VANGL1: variants seen among roughly 807,000 people sequenced by gnomAD.
The protein encoded by VANGL1 is VANGL planar cell polarity protein 1, also known as vang-like protein 1.
Under a neutral mutation model 48.4 loss-of-function variants are expected in VANGL1, and 18 were observed. The ratio of observed to expected loss-of-function variants is 0.37; its 90% CI spans 0.26 to 0.55. The LOEUF (loss-of-function observed/expected upper bound fraction) is 0.55. VANGL1 is among the 20% of genes least tolerant of loss of function. The pLI is 0.81. For synonymous variants in VANGL1, 257 were observed against 261.8 expected (o/e 0.98, Z 0.18); for missense variants, 667 against 675.8 (o/e 0.99, Z 0.14).
chr1:115,668,483 C>T (rs183632910), intron 4 of VANGL1, among the ~76,000 whole-genome samples: 27 of 152,296 alleles, frequency 1.8e-4, no homozygotes, highest in Admixed American at 1.7e-3. Context: ...AGGTTTGAGC[C>T]TTTGGTCAGA....
At chr1:115,648,653 TG>T (rs1652027767) in intron 1 of VANGL1, among the ~76,000 whole-genome samples, 1 of 152,158 alleles carries the variant, frequency 6.6e-6, no homozygotes, top group African/African-American at 2.4e-5. Flanking sequence ...ACAAGAACCC[TG>T]GGAAGAGAGA....
chr1:115,684,096 C>G lies in VANGL1; in HGVS notation c.1079+20C>G. The G allele has an allele frequency of 6.2e-7, 1 of 1,611,494 alleles. No individual in the cohort carries two copies. ...AGCAAGGTATACTGCCCTCCTGATG[C>G]CAGTACCCTCTTACAGACTTTTAAA... On this transcript the variant is annotated intron_variant, in intron 6 of 7. Coordinates refer to ENST00000355485, the MANE Select transcript of VANGL1 (RefSeq NM_138959.3).
chr1:115,691,403 TA>T lies in VANGL1; in HGVS notation c.*34del, dbSNP rs151052987. 1.2e-3 allele frequency: 1,666 copies of T among 1,446,424 alleles called. No homozygotes were observed. The highest frequency in any genetic ancestry group is 2.6e-3 in the Admixed American group (131 of 49,456). The allele number at this position is 1,446,424 out of a possible 1,614,324, so 89.6% of individuals were successfully genotyped here. ...AAAAGTTCTATATTTGTGGCTTTAT[TA>T]AAAAAAAAAGAAAAATATATAGAGA... is the stretch of plus-strand genomic sequence containing the variant. On this transcript the variant is annotated 3_prime_UTR_variant, in exon 8 of 8. Coordinates refer to ENST00000355485, the MANE Select transcript of VANGL1 (RefSeq NM_138959.3).
chr1:115,693,225 T>G lies in VANGL1; in HGVS notation c.*1846T>G, dbSNP rs947569136. On this transcript the variant is annotated 3_prime_UTR_variant, in exon 8 of 8. Transcript: ENST00000355485. The stretch of plus-strand genomic sequence containing the variant: ...TTTGTTCTTAGTTTTTGCCGTTAGA[T>G]CCCTTCAAACTGGAAGTTCCTTACA... The G allele has an allele frequency of 6.6e-6, 1 of 152,586 alleles. No individual in the cohort carries two copies. Among genetic ancestry groups the G allele is most frequent in the Non-Finnish European group, 1.5e-5 (1 of 68,030 alleles). 9.5% of individuals were successfully genotyped at this position (152,586 alleles called of 1,614,324 possible).
rs138573690 is a variant in VANGL1 at position 115,664,845 on chromosome 1, G to T, written c.812+577G>T. 2.8e-3 allele frequency among the ~76,000 whole-genome samples: 423 copies of T among 152,254 alleles called. 3 individuals carry two copies. Among genetic ancestry groups the T allele is most frequent in the African/African-American group, 9.5e-3 (396 of 41,552 alleles). ...TGAGAAAAAGTTAGAAGTCAGTTGG[G>T]TTGTCATACTTACATCTCTGCATAA... On this transcript the variant is annotated intron_variant, in intron 4 of 7. Transcript: ENST00000355485.
At chr1:115,683,559 T>G (rs1306102307) in intron 5 of VANGL1, among the ~76,000 whole-genome samples, 1 of 152,242 alleles carries the variant, frequency 6.6e-6, no homozygotes, top group Non-Finnish European at 1.5e-5. Context: ...TTCTGTCTCA[T>G]TGTCTTGCTG....
At chr1:115,691,087 C>A (rs1402703643) in intron 7 of VANGL1, 32 bp from the exon 8 acceptor site, 4 of 1,613,988 alleles carry the variant, frequency 2.5e-6, no homozygotes, top group Non-Finnish European at 2.5e-6. Flanking sequence ...CAGGCTGTTT[C>A]TTCCCTAATG....
At chr1:115,665,054 A>G in intron 4 of VANGL1, among the ~76,000 whole-genome samples, 1 of 152,360 alleles carries the variant, frequency 6.6e-6, no homozygotes, top group East Asian at 1.9e-4. Flanking sequence ...GCACAAAAAC[A>G]TATGGCTAGC....
rs370838897 is a variant in VANGL1 at position 115,687,989 on chromosome 1, GACAC to G, written c.1314+2464_1314+2467del. On this transcript the variant is annotated intron_variant, in intron 7 of 7. Coordinates refer to ENST00000355485, the MANE Select transcript of VANGL1 (RefSeq NM_138959.3). ...AGATAGATAGATAGATAGATAGATA[GACAC>G]ATAGATAGATACATAGATAGATACA... 2.1e-4 allele frequency among the ~76,000 whole-genome samples: 25 copies of G among 116,900 alleles called. 2 individuals are homozygous for G. Among genetic ancestry groups the G allele is most frequent in the African/African-American group, 7.1e-4 (22 of 31,194 alleles). The allele number at this position is 116,900 out of a possible 152,430, so 76.7% of individuals were successfully genotyped here.
At chr1:115,663,621 G>A in intron 3 of VANGL1, 40 bp from the exon 4 acceptor site, 2 of 1,613,760 alleles carry the variant, frequency 1.2e-6, no homozygotes, top group Non-Finnish European at 1.7e-6. Flanking sequence ...TTTTACAAAT[G>A]ACCTGTGTCA....
At chr1:115,680,020 T>A (rs1176592030) in intron 4 of VANGL1, among the ~76,000 whole-genome samples, 141 of 49,180 alleles carry the variant, frequency 2.9e-3, no homozygotes, top group African/African-American at 9.3e-3. Flanking sequence ...TGTGTGTGTG[T>A]GTATGTGAGA....
At position 115,683,946 on chromosome 1, in the gene VANGL1, C is replaced by G; in HGVS notation, c.949C>G (p.Pro317Ala). The change falls in exon 6 of 8, where the codon CCC (proline) becomes GCC (alanine). Residue 317 changes from proline (P) to alanine (A), a missense_variant and splice_region_variant. Physicochemically the swap from Pro to Ala is conservative, Grantham distance 27. Transcript: ENST00000355485. Reference protein sequence around the residue: ...AGLKVYNVDGPSNNATGQSRA... With the variant: ...AGLKVYNVDGASNNATGQSRA... ...CTTTCACTGTCCTTTCCCCAAAGGC[C>G]CCAGTAACAATGCCACTGGCCAGTC... 7 of 1,613,322 alleles carry G rather than the reference C, an allele frequency of 4.3e-6. No homozygotes were observed. Among genetic ancestry groups the G allele is most frequent in the Non-Finnish European group, 5.9e-6 (7 of 1,179,610 alleles).
intron 4 of VANGL1, among the ~76,000 whole-genome samples, chr1:115,681,811 C>A (rs933766966): frequency 6.6e-6 from 1 of 152,036 alleles, no homozygotes; most frequent in African/African-American, 2.4e-5. Context: ...GTGGCCAAGG[C>A]CCTCTTAAGT....
chr1:115,643,300 C>T (rs1276303626), intron 1 of VANGL1, among the ~76,000 whole-genome samples: 1 of 152,146 alleles, frequency 6.6e-6, no homozygotes, highest in Non-Finnish European at 1.5e-5. Context: ...AGCATTCTCC[C>T]GTCAGTGGGT....
intron 1 of VANGL1, among the ~76,000 whole-genome samples, chr1:115,644,947 A>G (rs1198999525): frequency 1.3e-5 from 2 of 152,248 alleles, no homozygotes; most frequent in African/African-American, 4.8e-5. Context: ...TCATTCATTT[A>G]TAAGCTGTTG....
At chr1:115,669,857 TG>T (rs1186755213) in intron 4 of VANGL1, among the ~76,000 whole-genome samples, 2 of 152,202 alleles carry the variant, frequency 1.3e-5, no homozygotes, top group Non-Finnish European at 1.5e-5. Context: ...AAATGATCCT[TG>T]GATTGCTTTT....
intron 2 of VANGL1, among the ~76,000 whole-genome samples, chr1:115,657,467 T>G (rs1389062966): frequency 1.3e-5 from 2 of 152,202 alleles, no homozygotes; most frequent in Non-Finnish European, 2.9e-5. Flanking sequence ...AAGACAATGA[T>G]ACTGCCTTCA....
chr1:115,671,232 C>T (rs1652960450), intron 4 of VANGL1: 1 of 152,428 alleles, frequency 6.6e-6, no homozygotes, highest in South Asian at 2.1e-4. Flanking sequence ...TGTTGGTTTC[C>T]CTGGAGGATT....
chr1:115,663,676 G>A lies in VANGL1; in HGVS notation c.220G>A (p.Glu74Lys). ...TCCCCACCAGGATGACAACTGGGGA[G>A]AGACCACCACGGCCATCACAGGCAC... ...TEEVQDDNWG[E>K]TTTAITGTSE... The change falls in exon 4 of 8, where the codon GAG (glutamate) becomes AAG (lysine). Residue 74 changes from glutamate to lysine, a missense_variant. Transcript: ENST00000355485. The A allele has an allele frequency of 6.2e-7, 1 of 1,614,156 alleles. No individual in the cohort carries two copies. Among genetic ancestry groups the A allele is most frequent in the South Asian group, 1.1e-5 (1 of 91,078 alleles).
Sources: allele counts gnomAD v4.1 joint callset (sites outside exome capture counted in the v4.1 genomes callset), GRCh38; gene constraint gnomAD v4.1.1; transcripts MANE v1.5; gene names NCBI Gene and HGNC (gene_info 2026-07-23, HGNC 2026-07-21).